The following GDPD5 variants were observed in gnomAD, a reference collection of about 807,000 sequenced individuals.
The protein encoded by GDPD5 is glycerophosphodiester phosphodiesterase domain containing 5.
In GDPD5, 48 loss-of-function variants were observed where a neutral mutation model predicts 75.1. The ratio of observed to expected loss-of-function variants is 0.64; its 90% confidence interval spans 0.51 to 0.81. GDPD5 has a LOEUF of 0.81. Among genes scored for constraint, GDPD5 ranks in the 40% least tolerant of loss-of-function variants. The pLI, the probability that GDPD5 is intolerant of heterozygous loss-of-function variation, is 0.00. For missense variants in GDPD5, 706 were observed against 822.6 expected, an observed-to-expected ratio of 0.86 and a Z score of 1.73; for synonymous variants, 336 against 339.0, an observed-to-expected ratio of 0.99 and a Z score of 0.10.
chr11:75,467,439 G>A (rs182570649), intron 3 of GDPD5, among the ~76,000 whole-genome samples: 5 of 152,292 alleles, frequency 3.3e-5, no homozygotes, highest in Admixed American at 2.6e-4. Flanking sequence ...CACCTATGGC[G>A]TGAGGGATAG....
chr11:75,494,778 C>T (rs762973711), intron 1 of GDPD5, among the ~76,000 whole-genome samples: 2 of 151,788 alleles, frequency 1.3e-5, no homozygotes, highest in African/African-American at 2.4e-5. Flanking sequence ...ATGGTGAAAT[C>T]CCGTCTCTAC....
At chr11:75,497,886 A>C (rs1016318378) in intron 1 of GDPD5, among the ~76,000 whole-genome samples, 9 of 152,150 alleles carry the variant, frequency 5.9e-5, no homozygotes, top group African/African-American at 1.9e-4. Context: ...TCACCGGCAA[A>C]TCACTTCACC....
At chr11:75,520,777 G>T (rs537296400) in intron 1 of GDPD5, among the ~76,000 whole-genome samples, 1 of 152,232 alleles carries the variant, frequency 6.6e-6, no homozygotes, top group Non-Finnish European at 1.5e-5. Context: ...CCCCAAAGGG[G>T]GCAAAGGGAG....
At chr11:75,464,178 A>G (rs1473621453) in intron 3 of GDPD5, among the ~76,000 whole-genome samples, 1 of 152,216 alleles carries the variant, frequency 6.6e-6, no homozygotes, top group Non-Finnish European at 1.5e-5. Flanking sequence ...CACACCATGC[A>G]AAGATACCAT....
At chr11:75,496,519 G>T (rs1950211737) in intron 1 of GDPD5, among the ~76,000 whole-genome samples, 1 of 152,240 alleles carries the variant, frequency 6.6e-6, no homozygotes, top group Admixed American at 6.5e-5. Context: ...GGGATGACAG[G>T]GAGAACCAGT....
At chr11:75,490,912 G>A (rs1393079669) in intron 1 of GDPD5, among the ~76,000 whole-genome samples, 1 of 152,198 alleles carries the variant, frequency 6.6e-6, no homozygotes, top group Non-Finnish European at 1.5e-5. Context: ...ACAGGCCACG[G>A]GAAGCAGAGG....
intron 2 of GDPD5, among the ~76,000 whole-genome samples, chr11:75,488,405 G>A (rs1440647066): frequency 6.6e-6 from 1 of 152,116 alleles, no homozygotes; most frequent in Admixed American, 6.5e-5. Flanking sequence ...TTTTCTGATG[G>A]CTCTTCCTAA....
chr11:75,474,078 G>A (rs896174621), intron 3 of GDPD5, among the ~76,000 whole-genome samples: 1 of 152,258 alleles, frequency 6.6e-6, no homozygotes, highest in African/African-American at 2.4e-5. Flanking sequence ...CAGATGAGAA[G>A]GCACAGGCCT....
intron 2 of GDPD5, among the ~76,000 whole-genome samples, chr11:75,486,554 A>G (rs922301928): frequency 1.3e-5 from 2 of 152,216 alleles, no homozygotes; most frequent in Admixed American, 1.3e-4. Context: ...CTCCGGGATC[A>G]TGGCCTTGGA....
At position 75,473,339 on chromosome 11, in the gene GDPD5, C is replaced by T. The variant is rs565747372; in HGVS notation, c.117+4280G>A. 2.3e-4 allele frequency among the ~76,000 whole-genome samples: 35 copies of T among 152,158 alleles called. No homozygotes were observed. In the South Asian group the frequency reaches 5.0e-3, roughly 22 times the overall value. On this transcript the variant is annotated intron_variant, in intron 3 of 16. Transcript: ENST00000336898. ...GCTCCTGGGGCACAGCATGTGTTCC[C>T]ATCTCCAGGATGGGCCTCCATCCAC...
intron 4 of GDPD5, among the ~76,000 whole-genome samples, chr11:75,459,224 C>A (rs1592088966): frequency 6.6e-6 from 1 of 152,130 alleles, no homozygotes; most frequent in South Asian, 2.1e-4. Flanking sequence ...TAATTCTTCA[C>A]AATTATAAAT....
In GDPD5 at chr11:75,441,203, G is replaced by C. The variant is rs1948789656; in HGVS notation, c.1433C>G (p.Ser478Cys). The change falls in exon 14 of 17, where the codon TCC (serine) becomes TGC (cysteine). Residue 478 changes from serine (S) to cysteine (C), a missense_variant. Transcript: ENST00000336898. Reference sequence around the variant, plus strand: ...GGAAGGCACCTGGGACAGGGCGTGGGAGTTGTCAGAGGTGACGGATGGGAC... The same window carrying C: ...GGAAGGCACCTGGGACAGGGCGTGGCAGTTGTCAGAGGTGACGGATGGGAC... ...AGVPSVTSDN[S>C]HALSQVPSPL... The C allele has an allele frequency of 1.9e-6, 3 of 1,613,940 alleles. No homozygotes were observed. The highest frequency in any genetic ancestry group is 3.3e-5 in the Admixed American group (2 of 60,008).
chr11:75,486,309 C>T (rs189966999), intron 2 of GDPD5, among the ~76,000 whole-genome samples: 6 of 152,306 alleles, frequency 3.9e-5, no homozygotes, highest in Admixed American at 3.3e-4. Context: ...CCTCCTGGGA[C>T]GCAGTTCAAA....
At chr11:75,493,878 T>C (rs568212604) in intron 1 of GDPD5, among the ~76,000 whole-genome samples, 6 of 152,310 alleles carry the variant, frequency 3.9e-5, no homozygotes, top group African/African-American at 9.6e-5. Flanking sequence ...TAGTGTGATA[T>C]TCACAAAAAT....
At position 75,459,784 on chromosome 11, in the gene GDPD5, TG is replaced by T. The variant is rs1283708969; in HGVS notation, c.222-1999del. Among the ~76,000 whole-genome samples the T allele has an allele frequency of 5.7e-5, 8 of 139,814 alleles. No homozygotes were observed. The East Asian group carries it at 1.7e-3, about 29-fold the overall frequency. The allele number at this position is 139,814 out of a possible 152,430, so 91.7% of individuals were successfully genotyped here. A position where few individuals can be genotyped will look rare whatever the true frequency, so the allele number is the denominator to read the frequency against. ...GAGATCATACCACTGCACTCCAGCC[TG>T]GGTGACAGAGCGAGACTGTCTCAAA... On this transcript the variant is annotated intron_variant, in intron 4 of 16. Coordinates refer to ENST00000336898, the MANE Select transcript of GDPD5 (RefSeq NM_030792.8).
chr11:75,474,656 G>C (rs887674349), intron 3 of GDPD5, among the ~76,000 whole-genome samples: 3 of 152,100 alleles, frequency 2.0e-5, no homozygotes, highest in African/African-American at 7.2e-5. Context: ...GTGTCAGGCT[G>C]GGGGGCAGGA....
chr11:75,463,341 C>T, intron 3 of GDPD5, among the ~76,000 whole-genome samples: 1 of 152,092 alleles, frequency 6.6e-6, no homozygotes, highest in East Asian at 1.9e-4. Context: ...AAGTGACTTG[C>T]CCAGGTCACA....
chr11:75,465,855 G>A (rs765296953), intron 3 of GDPD5, among the ~76,000 whole-genome samples: 5 of 152,218 alleles, frequency 3.3e-5, no homozygotes, highest in Admixed American at 6.5e-5. Context: ...GCCTGGAGGC[G>A]GGAAGGTAAA....
At chr11:75,440,991 T>C (rs1948780680) in intron 14 of GDPD5, among the ~76,000 whole-genome samples, 172 bp downstream of exon 14, 1 of 152,154 alleles carries the variant, frequency 6.6e-6, no homozygotes, top group Admixed American at 6.5e-5. Flanking sequence ...TTAGTGCAGA[T>C]CCCAGATGCC....
Sources: allele counts gnomAD v4.1 joint callset (sites outside exome capture counted in the v4.1 genomes callset), GRCh38; gene constraint gnomAD v4.1.1; transcripts MANE v1.5; gene names NCBI Gene and HGNC (gene_info 2026-07-23, HGNC 2026-07-21).